Variants in FBXL13 observed in about 807,000 individuals in gnomAD.
FBXL13 encodes the protein F-box and leucine rich repeat protein 13.
In FBXL13, 67 loss-of-function variants were observed where a neutral mutation model predicts 83.6. That is an observed-to-expected ratio of 0.80 (90% confidence interval 0.66 to 0.98). The LOEUF is 0.98. Among genes scored for constraint, FBXL13 ranks in the 50% least tolerant of loss-of-function variants. The pLI, the probability that FBXL13 is intolerant of heterozygous loss-of-function variation, is 0.00. For missense variants in FBXL13, 822 were observed against 866.5 expected (o/e 0.95, Z 0.64); for synonymous variants, 272 against 299.5 (o/e 0.91, Z 0.95).
At chr7:102,950,084 G>A (rs573653622) in intron 8 of FBXL13, among the ~76,000 whole-genome samples, 22 of 151,964 alleles carry the variant, frequency 1.4e-4, no homozygotes, top group African/African-American at 2.2e-4. Flanking sequence ...CAGTCTGGGC[G>A]AACCAGCAAG....
rs1563286374 is a variant in FBXL13, at chr7:103,060,035, T to TACAC, written c.-104-4289_-104-4288insGTGT. On this transcript the variant is annotated intron_variant, in intron 1 of 19. Transcript: ENST00000313221. The stretch of plus-strand genomic sequence containing the variant: ...GCAAGATATTTTATATATATATATA[T>TACAC]ATATATATATATATATATATATATA... Among the ~76,000 whole-genome samples, 41 of 91,896 alleles carry TACAC rather than the reference T, an allele frequency of 4.5e-4. 2 individuals carry two copies. Among genetic ancestry groups the TACAC allele is most frequent in the African/African-American group, 2.0e-3 (41 of 20,288 alleles). 60.3% of individuals were successfully genotyped at this position (91,896 alleles called of 152,430 possible).
intron 17 of FBXL13, among the ~76,000 whole-genome samples, chr7:102,848,484 A>G (rs1804540311): frequency 1.5e-5 from 1 of 64,914 alleles, no homozygotes; most frequent in Non-Finnish European, 2.6e-5. Flanking sequence ...TGAACCCAAG[A>G]GGCGGAGCTT....
At chr7:102,964,412 T>A (rs1005309379) in intron 7 of FBXL13, among the ~76,000 whole-genome samples, 15 of 146,610 alleles carry the variant, frequency 1.0e-4, no homozygotes, top group Non-Finnish European at 1.8e-4. Flanking sequence ...ATATTTTTTT[T>A]TTTTTTTCCA....
chr7:102,841,967 G>C (rs1803020464), intron 17 of FBXL13, among the ~76,000 whole-genome samples: 1 of 152,178 alleles, frequency 6.6e-6, no homozygotes, highest in African/African-American at 2.4e-5. Context: ...TTCTACCAGA[G>C]GAATTCCTTA....
At chr7:102,817,808 C>G (rs1798213982) in intron 19 of FBXL13, among the ~76,000 whole-genome samples, 1 of 152,144 alleles carries the variant, frequency 6.6e-6, no homozygotes. Context: ...AATTCTTTGA[C>G]TGCATTCCAT....
At chr7:102,846,492 G>A (rs1198454482) in intron 17 of FBXL13, among the ~76,000 whole-genome samples, 3 of 151,918 alleles carry the variant, frequency 2.0e-5, no homozygotes, top group African/African-American at 7.3e-5. Flanking sequence ...GATGGCACAT[G>A]CCTGTAATCC....
At chr7:102,906,517 G>A (rs1193453334) in intron 11 of FBXL13, among the ~76,000 whole-genome samples, 1 of 152,116 alleles carries the variant, frequency 6.6e-6, no homozygotes, top group Non-Finnish European at 1.5e-5. Flanking sequence ...ACTCCCTTTA[G>A]CATTTCTTGT....
At chr7:102,963,632 C>T (rs1825625769) in exon 8 of FBXL13, 1 of 1,605,540 alleles carries the variant, frequency 6.2e-7, no homozygotes, top group South Asian at 1.1e-5. Context: ...ATATATTTAT[C>T]TGGAATCACA....
rs147136567 is a variant in FBXL13, at chr7:102,852,271, T to C, written c.1719+2506A>G. Among the ~76,000 whole-genome samples, 616 of 152,292 alleles carry C rather than the reference T, an allele frequency of 4.0e-3. 5 individuals carry two copies. The highest frequency in any genetic ancestry group is 0.014 in the African/African-American group (590 of 41,558). On this transcript the variant is annotated intron_variant, in intron 17 of 19. Coordinates refer to ENST00000313221, the Ensembl canonical transcript of FBXL13. ...AACTTGGTTCAACTAAGATCACATA[T>C]GTGTTGTTACATTTCCAATCCATTT...
intron 8 of FBXL13, among the ~76,000 whole-genome samples, chr7:102,955,031 A>C (rs748602555): frequency 7.2e-5 from 11 of 152,234 alleles, no homozygotes; most frequent in Non-Finnish European, 2.9e-5. Context: ...TCAGCTCTGC[A>C]ACAAGCAGAC....
At chr7:102,888,742 C>T (rs1483492477) in intron 11 of FBXL13, among the ~76,000 whole-genome samples, 1 of 151,598 alleles carries the variant, frequency 6.6e-6, no homozygotes, top group Non-Finnish European at 1.5e-5. Context: ...TTTTTTTGTA[C>T]TGCTATGAAT....
At chr7:103,049,283 G>A (rs980761544) in intron 2 of FBXL13, among the ~76,000 whole-genome samples, 1 of 152,112 alleles carries the variant, frequency 6.6e-6, no homozygotes, top group Non-Finnish European at 1.5e-5. Flanking sequence ...AGCAGTTTAT[G>A]GCCTTAAACA....
rs371823711 is a variant in FBXL13 at position 102,968,189 on chromosome 7, CTG to C, written c.496-74_496-73del. 3.9e-4 allele frequency: 396 copies of C among 1,010,844 alleles called. 3 individuals carry two copies. The highest frequency in any genetic ancestry group is 9.5e-4 in the East Asian group (39 of 41,078). 62.6% of individuals were successfully genotyped at this position (1,010,844 alleles called of 1,614,324 possible). ...TGTAACTTGTCCACTTACCTTTTGT[CTG>C]TGTGTGTGCACACATGTGCGTGCAC... On this transcript the variant is annotated intron_variant, in intron 6 of 19. Coordinates refer to ENST00000313221, the Ensembl canonical transcript of FBXL13.
intron 16 of FBXL13, among the ~76,000 whole-genome samples, chr7:102,861,764 C>T (rs1186467951): frequency 1.3e-5 from 2 of 148,598 alleles, no homozygotes; most frequent in African/African-American, 5.0e-5. Context: ...GGTGGATCAC[C>T]TGAGGTCAGG....
intron 6 of FBXL13, among the ~76,000 whole-genome samples, chr7:102,974,863 C>A (rs1227480940): frequency 1.3e-5 from 2 of 152,148 alleles, no homozygotes; most frequent in African/African-American, 4.8e-5. Flanking sequence ...TCCCAGCCCC[C>A]ATCTTCCCAA....
intron 6 of FBXL13, among the ~76,000 whole-genome samples, chr7:103,006,963 C>G (rs1791057129): frequency 6.6e-6 from 1 of 151,978 alleles, no homozygotes; most frequent in Admixed American, 6.6e-5. Context: ...ACTGGAAGAG[C>G]CTAATAGCAA....
chr7:102,926,237 A>AT (rs746036855), intron 10 of FBXL13, 37 bp downstream of exon 11: 8 of 1,581,396 alleles, frequency 5.1e-6, no homozygotes, highest in African/African-American at 1.3e-5. Flanking sequence ...TGGGAGCATA[A>AT]TTTTTTTCAG....
intron 11 of FBXL13, among the ~76,000 whole-genome samples, chr7:102,884,636 C>A (rs1361373057): frequency 6.6e-6 from 1 of 151,960 alleles, no homozygotes; most frequent in Non-Finnish European, 1.5e-5. Context: ...CACAGCAAGA[C>A]CCTGTCTCTT....
At chr7:102,908,648 G>A (rs527632265) in intron 11 of FBXL13, among the ~76,000 whole-genome samples, 3 of 152,290 alleles carry the variant, frequency 2.0e-5, no homozygotes, top group Non-Finnish European at 2.9e-5. Flanking sequence ...TGTGGTTCTC[G>A]CACACTTGTC....
Sources: allele counts gnomAD v4.1 joint callset (sites outside exome capture counted in the v4.1 genomes callset), GRCh38; gene constraint gnomAD v4.1.1; transcripts MANE v1.5; gene names NCBI Gene and HGNC (gene_info 2026-07-23, HGNC 2026-07-21).